EPHA2: variants seen among roughly 807,000 people sequenced by gnomAD.
EPHA2 encodes EPH receptor A2.
A neutral mutation model predicts 104.9 loss-of-function variants in EPHA2; 54 were observed. The ratio of observed to expected loss-of-function variants is 0.51; its 90% CI spans 0.41 to 0.65. The LOEUF (loss-of-function observed/expected upper bound fraction) is 0.65, where lower values mean the gene tolerates loss of function less well. Ranked by LOEUF, EPHA2 falls within the 30% of genes least tolerant of loss-of-function variation. The probability of loss-of-function intolerance (pLI) is 0.00; values close to 1 mark genes in which losing one functional copy is unlikely to be tolerated. For missense variants in EPHA2, 1,117 were observed against 1,369.5 expected (o/e 0.82, Z 2.91); for synonymous variants, 560 against 559.1 (o/e 1.00, Z -0.02).
rs766078852 is a variant in EPHA2 at position 16,131,843 on chromosome 1, C to T, written c.2353G>A (p.Ala785Thr). 1.2e-5 allele frequency: 19 copies of T among 1,613,838 alleles called. No homozygotes were observed. The highest frequency in any genetic ancestry group is 9.9e-5 in the South Asian group (9 of 91,080). ...TTCCGGTAGGAAATGGCCTCCGGGG[C>T]GGTCCAGCGGATGGGGATCTTGCCG... ...SGGKIPIRWT[A>T]PEAISYRKFT... The change falls in exon 14 of 17, where the codon GCC becomes ACC. Residue 785 changes from alanine (A) to threonine (T), a missense_variant. Physicochemically the swap from Ala to Thr is moderately conservative, Grantham distance 58. Around this residue, in one of 3 missense-constraint regions of EPHA2, gnomAD observed 340 missense variants for 480.5 expected, o/e 0.71. Transcript: ENST00000358432. This position sits in a 1 kb window ranked among gnomAD's most constrained non-coding sequence, Gnocchi z 5.2.
At chr1:16,153,092 A>G (rs2025074186) in intron 1 of EPHA2, 1 of 980,636 alleles carries the variant, frequency 1.0e-6, no homozygotes, top group Non-Finnish European at 1.2e-6. Flanking sequence ...GGGCTTATCC[A>G]TGAGCTCTCT....
At chr1:16,142,692 G>A (rs1213514826) in intron 3 of EPHA2, among the ~76,000 whole-genome samples, 1 of 148,680 alleles carries the variant, frequency 6.7e-6, no homozygotes, top group East Asian at 2.0e-4. Flanking sequence ...ATGGATGGGT[G>A]GGTGGGTGGA....
chr1:16,135,195 GGTGGGT>G lies in EPHA2; in HGVS notation c.1429-12_1429-7del. 1 of 1,613,576 alleles carries G rather than the reference GGTGGGT, an allele frequency of 6.2e-7. No homozygotes were observed. Among genetic ancestry groups the G allele is most frequent in the Non-Finnish European group, 8.5e-7 (1 of 1,179,908 alleles). The stretch of plus-strand genomic sequence containing the variant: ...TTGTAGCTGTTGGAGTCTCCCTGTG[GGTGGGT>G]GGCCGGCGGAGGAGCAGGCAGTGAG... On this transcript the variant is annotated splice_region_variant and splice_polypyrimidine_tract_variant and intron_variant, in intron 6 of 16. Transcript: ENST00000358432. The surrounding 1 kb of genome is among the most constrained non-coding windows in gnomAD (Gnocchi z 4.3).
At position 16,148,468 on chromosome 1, in the gene EPHA2, T is replaced by C. The variant is rs373271815; in HGVS notation, c.733A>G (p.Met245Val). The change falls in exon 3 of 17, where the codon ATG becomes GTG. Residue 245 changes from methionine to valine, a missense_variant. Physicochemically the swap from Met to Val is conservative, Grantham distance 21 (BLOSUM62 1). Around this residue, in one of 3 missense-constraint regions of EPHA2, gnomAD observed 664 missense variants for 784.8 expected, o/e 0.85. Coordinates refer to ENST00000358432, the MANE Select transcript of EPHA2 (RefSeq NM_004431.5). The surrounding 1 kb of genome is among the most constrained non-coding windows in gnomAD (Gnocchi z 4.9). ...CACTCGCCATCCACTGCACAGTGCA[T>C]ACGGGGCTCTTCACCCCCCGGTGGC... is the stretch of plus-strand genomic sequence containing the variant. ...VVPPGGEEPRMHCAVDGEWLV... is the reference protein window; with the variant it reads ...VVPPGGEEPRVHCAVDGEWLV... The C allele has an allele frequency of 3.1e-6, 5 of 1,613,748 alleles. No individual in the cohort carries two copies. In the African/African-American group the frequency reaches 6.7e-5, roughly 22 times the overall value.
rs537138669 is a variant in EPHA2 at position 16,144,015 on chromosome 1, T to C, written c.823+4363A>G. ...TATCTGCAGGCACATTCCTCCACCATTGATAAGCACCACTCCCCACCTCAG... is the reference window on the plus strand; with the variant it reads ...TATCTGCAGGCACATTCCTCCACCACTGATAAGCACCACTCCCCACCTCAG... On this transcript the variant is annotated intron_variant, in intron 3 of 16. Transcript: ENST00000358432. Among the ~76,000 whole-genome samples the C allele has an allele frequency of 2.0e-5, 3 of 152,240 alleles. No homozygotes were observed. The South Asian group carries it at 6.2e-4, about 32-fold the overall frequency.
At chr1:16,143,856 T>C (rs1569592054) in intron 3 of EPHA2, among the ~76,000 whole-genome samples, 1 of 152,132 alleles carries the variant, frequency 6.6e-6, no homozygotes, top group Non-Finnish European at 1.5e-5. Flanking sequence ...ACCCAGCAAA[T>C]GAGGGAGCTG....
chr1:16,131,606 G>A lies in EPHA2; in HGVS notation c.2475+115C>T. 5 of 1,435,808 alleles carry A rather than the reference G, an allele frequency of 3.5e-6. No individual in the cohort carries two copies. The highest frequency in any genetic ancestry group is 4.8e-6 in the Non-Finnish European group (5 of 1,051,158). The allele number at this position is 1,435,808 out of a possible 1,614,324, so 88.9% of individuals were successfully genotyped here. A position where few individuals can be genotyped will look rare whatever the true frequency, so the allele number is the denominator to read the frequency against. On this transcript the variant is annotated intron_variant, in intron 14 of 16. Coordinates refer to ENST00000358432, the MANE Select transcript of EPHA2 (RefSeq NM_004431.5). This position sits in a 1 kb window ranked among gnomAD's most constrained non-coding sequence, Gnocchi z 5.2. ...CAAAAAAAAAAAATAAACATTTATG[G>A]AGCAAGCCTAAGAAGGTTCATCTAA...
chr1:16,142,192 C>T (rs1018264891), intron 3 of EPHA2, among the ~76,000 whole-genome samples: 8 of 152,198 alleles, frequency 5.3e-5, no homozygotes, highest in Non-Finnish European at 1.0e-4. Context: ...CAATTCCTGG[C>T]CCCCCGGCCC....
At chr1:16,143,461 G>A (rs955637092) in intron 3 of EPHA2, among the ~76,000 whole-genome samples, 1 of 152,092 alleles carries the variant, frequency 6.6e-6, no homozygotes, top group African/African-American at 2.4e-5. Context: ...GAGCTGTTCT[G>A]GCCCCGGTTG....
chr1:16,145,454 C>G (rs551257655), intron 3 of EPHA2, among the ~76,000 whole-genome samples: 1 of 152,312 alleles, frequency 6.6e-6, no homozygotes, highest in African/African-American at 2.4e-5. Flanking sequence ...TGAGGAGAAA[C>G]GGACAAACTG....
Position 16,150,817 on chromosome 1 carries a change from T to A in EPHA2, c.153+79A>T. On this transcript the variant is annotated intron_variant, in intron 2 of 16. Coordinates refer to ENST00000358432, the MANE Select transcript of EPHA2 (RefSeq NM_004431.5). The surrounding 1 kb of genome is among the most constrained non-coding windows in gnomAD (Gnocchi z 4.8). Reference sequence around the variant, plus strand: ...AATTGAAGCCAGGCCCCACGCTCCCTGGGCCTCAGTTTCTCCATCTCTACA... The same window carrying A: ...AATTGAAGCCAGGCCCCACGCTCCCAGGGCCTCAGTTTCTCCATCTCTACA... 1.3e-6 allele frequency: 2 copies of A among 1,516,498 alleles called. No individual in the cohort carries two copies. Among genetic ancestry groups the A allele is most frequent in the East Asian group, 4.5e-5 (2 of 44,252 alleles). 93.9% of individuals were successfully genotyped at this position (1,516,498 alleles called of 1,614,324 possible). A position where few individuals can be genotyped will look rare whatever the true frequency, so the allele number is the denominator to read the frequency against.
intron 3 of EPHA2, among the ~76,000 whole-genome samples, chr1:16,144,659 G>A (rs1435457353): frequency 6.6e-6 from 1 of 152,208 alleles, no homozygotes; most frequent in Non-Finnish European, 1.5e-5. Flanking sequence ...GGATCACCAG[G>A]TTGACAGCGT....
intron 2 of EPHA2, among the ~76,000 whole-genome samples, chr1:16,149,596 T>C (rs2024999828): frequency 2.0e-5 from 3 of 152,234 alleles, no homozygotes; most frequent in Admixed American, 1.3e-4. Flanking sequence ...TTGCAGCAGA[T>C]GAACATGTTC....
At chr1:16,133,152 C>T in intron 11 of EPHA2, 28 bp downstream of exon 11, 1 of 1,611,934 alleles carries the variant, frequency 6.2e-7, no homozygotes, top group Non-Finnish European at 8.5e-7. Flanking sequence ...CCCCTCTCCA[C>T]CCAGTGTGGG....
rs115670903 is a variant in EPHA2 at position 16,140,085 on chromosome 1, G to A, written c.824-1655C>T. ...CCCTGTGTGAGCAGAGGTGCAGAGGGGGACCAGGAGTCAGGGGAACAGGAC... is the reference window on the plus strand; with the variant it reads ...CCCTGTGTGAGCAGAGGTGCAGAGGAGGACCAGGAGTCAGGGGAACAGGAC... On this transcript the variant is annotated intron_variant, in intron 3 of 16. Coordinates refer to ENST00000358432, the MANE Select transcript of EPHA2 (RefSeq NM_004431.5). Among the ~76,000 whole-genome samples the A allele has an allele frequency of 3.3e-3, 500 of 152,332 alleles. 5 individuals carry two copies. The highest frequency in any genetic ancestry group is 0.012 in the African/African-American group (483 of 41,570).
Position 16,148,103 on chromosome 1 carries a change from T to G in EPHA2, c.823+275A>C, listed in dbSNP as rs1240673951. Among the ~76,000 whole-genome samples, 1 of 152,142 alleles carries G rather than the reference T, an allele frequency of 6.6e-6. No homozygotes were observed. Among genetic ancestry groups the G allele is most frequent in the Non-Finnish European group, 1.5e-5 (1 of 68,014 alleles). On this transcript the variant is annotated intron_variant, in intron 3 of 16. Coordinates refer to ENST00000358432, the MANE Select transcript of EPHA2 (RefSeq NM_004431.5). This position sits in a 1 kb window ranked among gnomAD's most constrained non-coding sequence, Gnocchi z 4.9. The stretch of plus-strand genomic sequence containing the variant: ...GTTGCCCAGGCTGGTCTCAAACTCC[T>G]GGGCTCAAGTGATCCACCCACCTCA...
At chr1:16,140,452 G>A (rs115685915) in intron 3 of EPHA2, among the ~76,000 whole-genome samples, 226 of 152,248 alleles carry the variant, frequency 1.5e-3, no homozygotes, top group African/African-American at 5.2e-3. Flanking sequence ...TTTAGTCCTC[G>A]CAATAGACCT....
chr1:16,124,870 T>C lies in EPHA2; in HGVS notation c.*345A>G. On this transcript the variant is annotated 3_prime_UTR_variant, in exon 17 of 17. Coordinates refer to ENST00000358432, the MANE Select transcript of EPHA2 (RefSeq NM_004431.5). Reference sequence around the variant, plus strand: ...GGGCCAAGCCCTCCATCTCCTGAGATGGCCTCATGTGGGAGAAGGCGGAGG... The same window carrying C: ...GGGCCAAGCCCTCCATCTCCTGAGACGGCCTCATGTGGGAGAAGGCGGAGG... 1 of 299,412 alleles carries C rather than the reference T, an allele frequency of 3.3e-6. No homozygotes were observed. The highest frequency in any genetic ancestry group is 6.6e-6 in the Non-Finnish European group (1 of 151,488). 18.5% of individuals were successfully genotyped at this position (299,412 alleles called of 1,614,324 possible).
In EPHA2 at chr1:16,155,975, C is replaced by T. The variant is rs561326761; in HGVS notation, c.-43G>A. On this transcript the variant is annotated 5_prime_UTR_variant, in exon 1 of 17. Coordinates refer to ENST00000358432, the MANE Select transcript of EPHA2 (RefSeq NM_004431.5). Reference sequence around the variant, plus strand: ...CGGTCCGATCCCCCCGAGCCCGGCTCCCGCACACCCGCACGCCTGCACGCC... The same window carrying T: ...CGGTCCGATCCCCCCGAGCCCGGCTTCCGCACACCCGCACGCCTGCACGCC... 1.8e-5 allele frequency: 26 copies of T among 1,435,964 alleles called. No individual in the cohort carries two copies. In the African/African-American group the frequency reaches 2.2e-4, roughly 12 times the overall value. 89.0% of individuals were successfully genotyped at this position (1,435,964 alleles called of 1,614,324 possible). A position where few individuals can be genotyped will look rare whatever the true frequency, so the allele number is the denominator to read the frequency against.
Sources: allele counts gnomAD v4.1 joint callset (sites outside exome capture counted in the v4.1 genomes callset), GRCh38; gene constraint gnomAD v4.1.1; regional missense constraint gnomAD v4.1.1; non-coding constraint Gnocchi (gnomAD v3.1); transcripts MANE v1.5; gene names NCBI Gene and HGNC (gene_info 2026-07-23, HGNC 2026-07-21).